The following TRIM51G variants were observed in gnomAD, a reference collection of about 807,000 sequenced individuals.
The protein encoded by TRIM51G is tripartite motif-containing 51G, also known as tripartite motif-containing protein 51G.
the TRIM51G span, among the ~76,000 whole-genome samples, chr11:48,983,840 C>A: frequency 0.8 from 120,969 of 151,848 alleles, 48,455 homozygotes; most frequent in Non-Finnish European, 0.81. Flanking sequence ...GTTGACTTTC[C>A]AAGGTCACCT....
the TRIM51G span, chr11:48,981,662 C>G: frequency 2.5e-6 from 4 of 1,599,614 alleles, no homozygotes; most frequent in Admixed American, 6.7e-5. Flanking sequence ...CAGATGAGTT[C>G]CCTCTGGAAG....
At chr11:48,981,624 G>T in the TRIM51G span, 2 of 1,599,630 alleles carry the variant, frequency 1.3e-6, no homozygotes, top group Non-Finnish European at 1.7e-6. Context: ...TGGTGACTGG[G>T]TCTATGAAGT....
At chr11:48,976,153 G>A in the TRIM51G span, among the ~76,000 whole-genome samples, 13 of 152,156 alleles carry the variant, frequency 8.5e-5, no homozygotes, top group East Asian at 2.1e-3. Context: ...AAAGTATAAG[G>A]ATGATTAATA....
At chr11:48,976,218 A>G in the TRIM51G span, among the ~76,000 whole-genome samples, 1 of 152,142 alleles carries the variant, frequency 6.6e-6, no homozygotes, top group Non-Finnish European at 1.5e-5. Context: ...TTTATTGAAA[A>G]CTTAAAAACT....
At chr11:48,978,162 T>C in the TRIM51G span, 1 of 530,840 alleles carries the variant, frequency 1.9e-6, no homozygotes, top group Admixed American at 2.0e-5. Context: ...TCCAAAAGAC[T>C]GTAAAAAAAA....
the TRIM51G span, among the ~76,000 whole-genome samples, chr11:48,982,947 G>GTGTGTGTATATA: frequency 7.9e-4 from 68 of 86,128 alleles, no homozygotes; most frequent in Middle Eastern, 6.8e-3. Flanking sequence ...AGTATTTTTG[G>GTGTGTGTATATA]TATATATACA....
the TRIM51G span, among the ~76,000 whole-genome samples, chr11:48,977,485 C>T: frequency 2.6e-5 from 4 of 152,066 alleles, no homozygotes; most frequent in Non-Finnish European, 5.9e-5. Flanking sequence ...CCAGACCTCA[C>T]CAGAAATTCC....
chr11:48,982,947 G>GTGTGTGTGTGTATATA, the TRIM51G span, among the ~76,000 whole-genome samples: 1 of 86,152 alleles, frequency 1.2e-5, no homozygotes, highest in Non-Finnish European at 2.2e-5. Flanking sequence ...AGTATTTTTG[G>GTGTGTGTGTGTATATA]TATATATACA....
chr11:48,978,085 CT>C, the TRIM51G span: 5 of 493,044 alleles, frequency 1.0e-5, no homozygotes, highest in East Asian at 2.4e-4. Context: ...AAAGTTCCTG[CT>C]TGATATTTGT....
the TRIM51G span, chr11:48,981,047 A>G: frequency 8.7e-6 from 6 of 692,858 alleles, no homozygotes; most frequent in Middle Eastern, 3.1e-4. Flanking sequence ...ACAATAAAGT[A>G]TCATTCACAC....
the TRIM51G span, among the ~76,000 whole-genome samples, chr11:48,979,545 T>TA: frequency 1.3e-5 from 2 of 152,224 alleles, no homozygotes; most frequent in South Asian, 2.1e-4. Flanking sequence ...TAACATATTC[T>TA]AAAAAGGTTT....
the TRIM51G span, chr11:48,976,960 TA>T: frequency 1.8e-6 from 1 of 566,556 alleles, no homozygotes; most frequent in South Asian, 1.7e-5. Flanking sequence ...AAAAGTGTTG[TA>T]TCGTCATATG....
the TRIM51G span, chr11:48,975,816 C>T: frequency 6.9e-7 from 1 of 1,440,484 alleles, no homozygotes; most frequent in East Asian, 2.3e-5. Flanking sequence ...AAGAGTGCCC[C>T]ATGTTAAACT....
At chr11:48,976,015 A>G in the TRIM51G span, 2 of 549,098 alleles carry the variant, frequency 3.6e-6, no homozygotes, top group Non-Finnish European at 3.4e-6. Context: ...AATAATTTTA[A>G]AAAAGTATAG....
At chr11:48,975,700 T>A in the TRIM51G span, 1 of 1,531,094 alleles carries the variant, frequency 6.5e-7, no homozygotes. Context: ...GCAGTGAGTG[T>A]CCTCCTTAAC....
chr11:48,979,589 T>A, the TRIM51G span, among the ~76,000 whole-genome samples: 1 of 152,092 alleles, frequency 6.6e-6, no homozygotes, highest in South Asian at 2.1e-4. Context: ...CCTAATCGGC[T>A]ACATGGACAT....
At chr11:48,981,280 C>T in the TRIM51G span, 1 of 1,604,338 alleles carries the variant, frequency 6.2e-7, no homozygotes, top group African/African-American at 1.3e-5. Context: ...AGAGGCATCA[C>T]TTACCCGGCG....
chr11:48,983,556 TAAA>T, the TRIM51G span, among the ~76,000 whole-genome samples: 1 of 151,802 alleles, frequency 6.6e-6, no homozygotes, highest in African/African-American at 2.4e-5. Context: ...AAAAATATAT[TAAA>T]AACTTTTGGA....
At chr11:48,975,849 G>A in the TRIM51G span, 1 of 1,084,652 alleles carries the variant, frequency 9.2e-7, no homozygotes. Flanking sequence ...TGCCAGATAT[G>A]AAAAAATCAG....
Sources: gnomAD v4.1 joint callset for allele counts (sites outside exome capture counted in the v4.1 genomes callset) on GRCh38, gnomAD v4.1.1 for gene constraint, MANE v1.5 for transcripts, NCBI Gene and HGNC (gene_info 2026-07-23, HGNC 2026-07-21) for gene names.